The following NRG1 variants were observed in gnomAD, a reference collection of about 807,000 sequenced individuals.
The protein encoded by NRG1 is neuregulin 1.
A neutral mutation model predicts 63.8 loss-of-function variants in NRG1; 18 were observed. The ratio of observed to expected loss-of-function variants is 0.28; its 90% CI spans 0.19 to 0.42. NRG1 has a LOEUF of 0.42. Among genes scored for constraint, NRG1 ranks in the 10% least tolerant of loss-of-function variants. The pLI is 1.00. For synonymous variants in NRG1, 302 were observed against 301.3 expected (o/e 1.00, Z -0.02); for missense variants, 762 against 814.7 (o/e 0.94, Z 0.79).
chr8:31,867,723 T>A (rs1192494476), intron 1 of NRG1, among the ~76,000 whole-genome samples: 1 of 152,150 alleles, frequency 6.6e-6, no homozygotes, highest in African/African-American at 2.4e-5. Flanking sequence ...CTGGTTTCGG[T>A]TCTTTTGGGG....
intron 1 of NRG1, among the ~76,000 whole-genome samples, chr8:31,957,397 CTCTT>C (rs928796745): frequency 2.4e-4 from 37 of 152,198 alleles, no homozygotes; most frequent in African/African-American, 8.2e-4. Flanking sequence ...GAGTCCCATT[CTCTT>C]TCTTTCTATT....
At chr8:32,276,902 G>A (rs1317942362) in intron 1 of NRG1, among the ~76,000 whole-genome samples, 2 of 152,128 alleles carry the variant, frequency 1.3e-5, no homozygotes, top group Non-Finnish European at 2.9e-5. Flanking sequence ...CAGCCACAAC[G>A]AATGCCACTT....
chr8:32,586,183 T>TAA (rs1309854853), intron 1 of NRG1, among the ~76,000 whole-genome samples: 1 of 135,574 alleles, frequency 7.4e-6, no homozygotes, highest in African/African-American at 2.7e-5. Context: ...TATATATATA[T>TAA]AATGTGTATA....
intron 1 of NRG1, among the ~76,000 whole-genome samples, chr8:31,910,346 A>G (rs770111341): frequency 1.3e-5 from 2 of 152,204 alleles, no homozygotes; most frequent in African/African-American, 2.4e-5. Flanking sequence ...AGAATATGCT[A>G]TATCTTGAGT....
chr8:32,163,535 C>T (rs1839075084), intron 1 of NRG1, among the ~76,000 whole-genome samples: 1 of 152,170 alleles, frequency 6.6e-6, no homozygotes. Context: ...AAGAGTCAGG[C>T]GCAAACATGG....
intron 1 of NRG1, among the ~76,000 whole-genome samples, chr8:31,853,041 G>A (rs1232079749): frequency 5.9e-5 from 9 of 151,930 alleles, no homozygotes; most frequent in Admixed American, 2.0e-4. Flanking sequence ...AAGTCAGGTA[G>A]TGTGATGCCT....
chr8:32,345,759 C>T (rs1036018547), intron 1 of NRG1, among the ~76,000 whole-genome samples: 1 of 152,008 alleles, frequency 6.6e-6, no homozygotes, highest in African/African-American at 2.4e-5. Flanking sequence ...CATTTGAGGT[C>T]AGGAGTTCGA....
At chr8:31,663,265 A>C (rs1358787967) in intron 1 of NRG1, among the ~76,000 whole-genome samples, 2 of 152,210 alleles carry the variant, frequency 1.3e-5, no homozygotes, top group Non-Finnish European at 2.9e-5. Flanking sequence ...CTGTTTACCA[A>C]AAAAGTTCTG....
chr8:32,278,458 A>C (rs886218226), intron 1 of NRG1, among the ~76,000 whole-genome samples: 1 of 152,198 alleles, frequency 6.6e-6, no homozygotes, highest in Non-Finnish European at 1.5e-5. Context: ...TCCCCTGCCC[A>C]TTCACACTTT....
rs1232541718 is a variant in NRG1 at position 32,132,309 on chromosome 8, A to G, written c.38-463519A>G. Among the ~76,000 whole-genome samples, 5 of 152,244 alleles carry G rather than the reference A, an allele frequency of 3.3e-5. No homozygotes were observed. The East Asian group carries it at 9.7e-4, about 29-fold the overall frequency. On this transcript the variant is annotated intron_variant, in intron 1 of 10. Transcript: ENST00000519301. ...ATTCTGATGTCATAAAAAGACTGAAATAAGCAACATTTTAGCACAACATTT... is the reference window on the plus strand; with the variant it reads ...ATTCTGATGTCATAAAAAGACTGAAGTAAGCAACATTTTAGCACAACATTT...
At chr8:32,646,975 A>G (rs1265331230) in intron 5 of NRG1, 5 of 984,900 alleles carry the variant, frequency 5.1e-6, no homozygotes, top group Middle Eastern at 5.2e-4. Context: ...AGACTGAAGC[A>G]GAGAAGAGCC....
chr8:32,599,257 A>G lies in NRG1; in HGVS notation c.278+3252A>G, dbSNP rs556775269. 2.0e-5 allele frequency among the ~76,000 whole-genome samples: 3 copies of G among 152,214 alleles called. No individual in the cohort carries two copies. The East Asian group carries it at 5.8e-4, about 29-fold the overall frequency. The stretch of plus-strand genomic sequence containing the variant: ...GGTTACTTGACTTAAACTTTTTCTT[A>G]GGCTATGATCAACCAAGCAGAGGTG... On this transcript the variant is annotated intron_variant, in intron 2 of 11. Transcript: ENST00000356819.
chr8:32,066,195 A>G (rs1364242345), intron 1 of NRG1, among the ~76,000 whole-genome samples: 1 of 152,158 alleles, frequency 6.6e-6, no homozygotes, highest in East Asian at 1.9e-4. Flanking sequence ...GTTTAATTAG[A>G]TCCCATTTGT....
intron 1 of NRG1, among the ~76,000 whole-genome samples, chr8:32,571,022 G>T (rs1477401096): frequency 6.6e-6 from 1 of 152,170 alleles, no homozygotes; most frequent in African/African-American, 2.4e-5. Flanking sequence ...CATGTATATA[G>T]ATGTCCACAT....
intron 5 of NRG1, among the ~76,000 whole-genome samples, chr8:32,710,918 T>A (rs561671931): frequency 6.6e-6 from 1 of 152,320 alleles, no homozygotes; most frequent in South Asian, 2.1e-4. Flanking sequence ...TGCATCAGTT[T>A]GACTCACAGT....
intron 5 of NRG1, among the ~76,000 whole-genome samples, chr8:32,678,691 G>A (rs971950370): frequency 1.7e-4 from 26 of 152,038 alleles, no homozygotes; most frequent in African/African-American, 5.6e-4. Context: ...TTGGACTTCC[G>A]GGCTTTGGTG....
At chr8:31,978,017 C>G (rs898474376) in intron 1 of NRG1, among the ~76,000 whole-genome samples, 4 of 152,074 alleles carry the variant, frequency 2.6e-5, no homozygotes, top group African/African-American at 7.2e-5. Flanking sequence ...GGAATGCCCT[C>G]TCAAATGTAA....
At chr8:32,446,607 A>G (rs756413650) in intron 1 of NRG1, among the ~76,000 whole-genome samples, 8 of 151,886 alleles carry the variant, frequency 5.3e-5, no homozygotes, top group Non-Finnish European at 7.4e-5. Context: ...GTGAGCCAAG[A>G]TTGTGCCCCT....
intron 1 of NRG1, among the ~76,000 whole-genome samples, chr8:32,057,353 A>C (rs1015728243): frequency 6.6e-6 from 1 of 152,162 alleles, no homozygotes; most frequent in Admixed American, 6.6e-5. Context: ...CACTGGTGAA[A>C]GGCCTGGTGC....
Sources: allele counts gnomAD v4.1 joint callset (sites outside exome capture counted in the v4.1 genomes callset), GRCh38; gene constraint gnomAD v4.1.1; transcripts MANE v1.5; gene names NCBI Gene and HGNC (gene_info 2026-07-23, HGNC 2026-07-21).